CHRNA7: variants seen among roughly 807,000 people sequenced by gnomAD.
CHRNA7 encodes the protein cholinergic receptor nicotinic alpha 7 subunit, also known as neuronal acetylcholine receptor subunit alpha-7.
A neutral mutation model predicts 48.0 loss-of-function variants in CHRNA7; 17 were observed. The ratio of observed to expected loss-of-function variants is 0.35; its 90% CI spans 0.24 to 0.53. The LOEUF is 0.53. CHRNA7 is among the 20% of genes least tolerant of loss of function. The pLI, the probability that CHRNA7 is intolerant of heterozygous loss-of-function variation, is 0.92. For missense variants in CHRNA7, 155 were observed against 577.7 expected, an observed-to-expected ratio of 0.27 and a Z score of 7.50; for synonymous variants, 75 against 242.3, an observed-to-expected ratio of 0.31 and a Z score of 6.41.
chr15:32,038,393 C>G (rs150251390), intron 2 of CHRNA7, among the ~76,000 whole-genome samples: 1 of 137,826 alleles, frequency 7.3e-6, no homozygotes, highest in Non-Finnish European at 1.5e-5. Flanking sequence ...TTGATATAAT[C>G]ATATGATTTT....
chr15:32,064,783 T>C (rs1179776115), intron 2 of CHRNA7, among the ~76,000 whole-genome samples: 3 of 152,138 alleles, frequency 2.0e-5, no homozygotes, highest in Non-Finnish European at 1.5e-5. Flanking sequence ...CTGTTGTCAG[T>C]ATGCATCTGT....
intron 4 of CHRNA7, among the ~76,000 whole-genome samples, chr15:32,117,240 A>G (rs1322199488): frequency 2.6e-5 from 4 of 152,320 alleles, no homozygotes; most frequent in Non-Finnish European, 2.9e-5. Context: ...GAGACTGTGT[A>G]TAGCACATCT....
At chr15:32,148,604 G>T (rs1005986174) in intron 4 of CHRNA7, among the ~76,000 whole-genome samples, 8 of 152,168 alleles carry the variant, frequency 5.3e-5, no homozygotes, top group Non-Finnish European at 1.2e-4. Flanking sequence ...CACCCACAGG[G>T]TCCACCTGTG....
intron 4 of CHRNA7, among the ~76,000 whole-genome samples, chr15:32,116,271 C>G (rs188926185): frequency 6.6e-6 from 1 of 152,200 alleles, no homozygotes; most frequent in East Asian, 1.9e-4. Flanking sequence ...GGAGTCCCCA[C>G]GTGAGTCACT....
rs183881153 is a variant in CHRNA7, at chr15:32,135,122, C to T, written c.351-18785C>T. 3.5e-3 allele frequency among the ~76,000 whole-genome samples: 527 copies of T among 152,280 alleles called. 3 individuals are homozygous for T. The highest frequency in any genetic ancestry group is 0.012 in the African/African-American group (507 of 41,564). On this transcript the variant is annotated intron_variant, in intron 4 of 9. Coordinates refer to ENST00000306901, the MANE Select transcript of CHRNA7 (RefSeq NM_000746.6). ...CAGAAAGCAGGTCTGGAAGCCTGCA[C>T]CCCCCAGGAGAGGCTGTGCCTGACA...
intron 4 of CHRNA7, among the ~76,000 whole-genome samples, chr15:32,122,717 A>C (rs1043935977): frequency 1.3e-5 from 2 of 152,156 alleles, no homozygotes; most frequent in Admixed American, 1.3e-4. Context: ...ATTGAGCAAT[A>C]CATCTTTCTC....
intron 2 of CHRNA7, among the ~76,000 whole-genome samples, 172 bp downstream of exon 2, chr15:32,031,209 C>T (rs1468751671): frequency 1.3e-5 from 2 of 152,122 alleles, no homozygotes; most frequent in African/African-American, 4.8e-5. Context: ...TCCTGAGTGT[C>T]TCATTTCTCG....
At chr15:32,141,728 G>A (rs2051382772) in intron 4 of CHRNA7, among the ~76,000 whole-genome samples, 1 of 152,140 alleles carries the variant, frequency 6.6e-6, no homozygotes, top group Non-Finnish European at 1.5e-5. Context: ...CTGTTTGTCT[G>A]TTATTGGTGT....
chr15:32,066,903 A>AC (rs1161365053), intron 2 of CHRNA7, among the ~76,000 whole-genome samples: 7 of 152,160 alleles, frequency 4.6e-5, no homozygotes, highest in East Asian at 3.8e-4. Context: ...TGAAATATTA[A>AC]CTAATGAGTT....
At chr15:32,121,531 G>T (rs2050970360) in intron 4 of CHRNA7, among the ~76,000 whole-genome samples, 1 of 152,156 alleles carries the variant, frequency 6.6e-6, no homozygotes, top group African/African-American at 2.4e-5. Context: ...GTAAGACAAG[G>T]GCACAAAGTG....
At chr15:32,048,658 T>C (rs945397257) in intron 2 of CHRNA7, among the ~76,000 whole-genome samples, 18 of 151,972 alleles carry the variant, frequency 1.2e-4, no homozygotes, top group African/African-American at 4.3e-4. Flanking sequence ...GTTTTTTGTG[T>C]CTCTATTTCC....
intron 2 of CHRNA7, among the ~76,000 whole-genome samples, chr15:32,089,523 T>TA (rs930750580): frequency 6.6e-6 from 1 of 151,718 alleles, no homozygotes; most frequent in Non-Finnish European, 1.5e-5. Context: ...TTATTTCTGT[T>TA]ACACTGGTTT....
chr15:32,053,755 G>A (rs2049734967), intron 2 of CHRNA7, among the ~76,000 whole-genome samples: 1 of 152,158 alleles, frequency 6.6e-6, no homozygotes, highest in Non-Finnish European at 1.5e-5. Flanking sequence ...AAGAAATTAA[G>A]CAATGAATTA....
Position 32,149,010 on chromosome 15 carries a change from C to G in CHRNA7, c.351-4897C>G. Among the ~76,000 whole-genome samples the G allele has an allele frequency of 6.6e-6, 1 of 152,272 alleles. No homozygotes were observed. The highest frequency in any genetic ancestry group is 2.4e-5 in the African/African-American group (1 of 41,562). The stretch of plus-strand genomic sequence containing the variant: ...TTACATTTGCCCCAGTCACCCCCTC[C>G]GTGGTGAGGGTAGGGCTCAGAGCTC... On this transcript the variant is annotated intron_variant, in intron 4 of 9. Coordinates refer to ENST00000306901, the MANE Select transcript of CHRNA7 (RefSeq NM_000746.6). The surrounding 1 kb of genome is among the most constrained non-coding windows in gnomAD (Gnocchi z 4.6).
chr15:32,031,697 TG>T (rs1901850351), intron 2 of CHRNA7, among the ~76,000 whole-genome samples: 1 of 152,250 alleles, frequency 6.6e-6, no homozygotes, highest in Non-Finnish European at 1.5e-5. Context: ...TCTCTTGCCT[TG>T]CAGCCTTGCT....
chr15:32,135,622 T>C (rs550880092), intron 4 of CHRNA7, among the ~76,000 whole-genome samples: 30 of 152,264 alleles, frequency 2.0e-4, no homozygotes, highest in Middle Eastern at 3.4e-3. Flanking sequence ...TCGTTTTCCA[T>C]TGAAATACAA....
chr15:32,048,791 T>C (rs1329840910), intron 2 of CHRNA7, among the ~76,000 whole-genome samples: 1 of 152,094 alleles, frequency 6.6e-6, no homozygotes, highest in East Asian at 1.9e-4. Context: ...TTTCCTGCTT[T>C]CTCTTGTGGG....
At chr15:32,132,041 C>G (rs934291960) in intron 4 of CHRNA7, among the ~76,000 whole-genome samples, 1 of 152,180 alleles carries the variant, frequency 6.6e-6, no homozygotes, top group Admixed American at 6.5e-5. Flanking sequence ...TCACCTCTTG[C>G]AAGTATGGGG....
At chr15:32,046,195 G>T (rs529603505) in intron 2 of CHRNA7, among the ~76,000 whole-genome samples, 177 of 151,730 alleles carry the variant, frequency 1.2e-3, no homozygotes, top group African/African-American at 3.9e-3. Context: ...GTAATGGGAT[G>T]GCTGGGTCAA....
Sources: allele counts gnomAD v4.1 joint callset (sites outside exome capture counted in the v4.1 genomes callset), GRCh38; gene constraint gnomAD v4.1.1; non-coding constraint Gnocchi (gnomAD v3.1); transcripts MANE v1.5; gene names NCBI Gene and HGNC (gene_info 2026-07-23, HGNC 2026-07-21).